The following DLC1 variants were observed in gnomAD, a reference collection of about 807,000 sequenced individuals.
The protein encoded by DLC1 is rho GTPase-activating protein 7.
DLC1 carries 54 observed loss-of-function variants against 140.3 expected under a neutral mutation model. That is an observed-to-expected ratio of 0.38 (90% CI 0.31 to 0.48). DLC1 has a LOEUF of 0.48. Ranked by LOEUF, DLC1 falls within the 20% of genes least tolerant of loss-of-function variation. The probability of loss-of-function intolerance (pLI) is 0.96; values close to 1 mark genes in which losing one functional copy is unlikely to be tolerated. For missense variants in DLC1, 2,536 were observed against 1,907.0 expected (o/e 1.33, Z -6.14); for synonymous variants, 986 against 728.1 (o/e 1.35, Z -5.70).
chr8:13,537,113 A>G (rs1023715676), intron 1 of DLC1, among the ~76,000 whole-genome samples: 9 of 141,410 alleles, frequency 6.4e-5, no homozygotes, highest in Admixed American at 1.4e-4. Flanking sequence ...GCAAAAAACC[A>G]TAACAGTACA....
intron 7 of DLC1, among the ~76,000 whole-genome samples, chr8:13,105,514 C>T (rs559779500): frequency 2.0e-5 from 3 of 152,026 alleles, no homozygotes; most frequent in East Asian, 1.9e-4. Context: ...AGGGAGGTCA[C>T]AGATCTTGTC....
At chr8:13,171,160 T>C (rs1825450651) in intron 5 of DLC1, among the ~76,000 whole-genome samples, 2 of 152,146 alleles carry the variant, frequency 1.3e-5, no homozygotes, top group South Asian at 4.1e-4. Flanking sequence ...TAGTTGCAAT[T>C]AGAGATTTGG....
At chr8:13,383,065 G>A (rs1324050534) in intron 4 of DLC1, among the ~76,000 whole-genome samples, 1 of 152,198 alleles carries the variant, frequency 6.6e-6, no homozygotes, top group Non-Finnish European at 1.5e-5. Context: ...GACCACCAAA[G>A]TATCACAGTC....
chr8:13,515,904 G>GA (rs1802571203), upstream of DLC1, among the ~76,000 whole-genome samples: 1 of 152,152 alleles, frequency 6.6e-6, no homozygotes, highest in African/African-American at 2.4e-5. Flanking sequence ...GTCGTTTCAG[G>GA]AAAAAAGTTA....
At chr8:13,379,043 G>A (rs908718225) in intron 4 of DLC1, among the ~76,000 whole-genome samples, 6 of 152,106 alleles carry the variant, frequency 3.9e-5, no homozygotes, top group African/African-American at 4.8e-5. Context: ...AATGTTTTCT[G>A]GTTTGATGAT....
intron 5 of DLC1, among the ~76,000 whole-genome samples, chr8:13,230,944 G>A (rs1829021285): frequency 6.6e-6 from 1 of 152,038 alleles, no homozygotes; most frequent in Admixed American, 6.6e-5. Context: ...GCTTTGAGAA[G>A]AAACATCACA....
chr8:13,257,723 A>C (rs888754404), intron 5 of DLC1, among the ~76,000 whole-genome samples: 4 of 15,850 alleles, frequency 2.5e-4, no homozygotes, highest in African/African-American at 2.0e-3. Flanking sequence ...GAAAAGAAGA[A>C]AAAAAAAAAA....
At chr8:13,324,007 C>A (rs1361839047) in intron 4 of DLC1, among the ~76,000 whole-genome samples, 1 of 152,158 alleles carries the variant, frequency 6.6e-6, no homozygotes, top group Non-Finnish European at 1.5e-5. Flanking sequence ...GAATTACAGC[C>A]TTCCAGGAGG....
chr8:13,447,425 T>G (rs532987442), intron 2 of DLC1, among the ~76,000 whole-genome samples: 1 of 152,202 alleles, frequency 6.6e-6, no homozygotes, highest in Non-Finnish European at 1.5e-5. Flanking sequence ...TATGTGGCTG[T>G]GGGGACTTGC....
intron 3 of DLC1, among the ~76,000 whole-genome samples, chr8:13,399,073 C>T (rs1837178773): frequency 6.6e-6 from 1 of 152,162 alleles, no homozygotes; most frequent in Admixed American, 6.5e-5. Context: ...AAAGGTGGTA[C>T]AGTGGTTCTG....
chr8:13,538,043 T>A (rs1163184201), intron 1 of DLC1, among the ~76,000 whole-genome samples: 1 of 152,176 alleles, frequency 6.6e-6, no homozygotes, highest in African/African-American at 2.4e-5. Context: ...TCACAAAGTC[T>A]CACTGAAGTA....
chr8:13,432,649 T>C (rs1226829740), intron 2 of DLC1, among the ~76,000 whole-genome samples: 2 of 152,240 alleles, frequency 1.3e-5, no homozygotes, highest in East Asian at 3.9e-4. Context: ...GTAGGGAACG[T>C]GTAAAGTGCC....
intron 4 of DLC1, among the ~76,000 whole-genome samples, chr8:13,344,940 C>G (rs1834257844): frequency 6.6e-6 from 1 of 152,066 alleles, no homozygotes; most frequent in Non-Finnish European, 1.5e-5. Flanking sequence ...ATTATTTAAT[C>G]AAATTGGATA....
chr8:13,539,163 G>T (rs1429328517), intron 1 of DLC1, among the ~76,000 whole-genome samples: 1 of 147,040 alleles, frequency 6.8e-6, no homozygotes. Context: ...TTTTTCAGTA[G>T]ATCTGCAAAT....
chr8:13,176,095 G>A (rs568253927), intron 5 of DLC1, among the ~76,000 whole-genome samples: 1 of 152,040 alleles, frequency 6.6e-6, no homozygotes, highest in Non-Finnish European at 1.5e-5. Flanking sequence ...TGCTTTTCTG[G>A]ATATAAACTT....
chr8:13,205,126 A>G lies in DLC1; in HGVS notation c.1349-89469T>C, dbSNP rs542913037. On this transcript the variant is annotated intron_variant, in intron 5 of 17. Transcript: ENST00000276297. ...AAAAAATGCCAAAAAACTACATTGCAAGTTTTCATTTTAGATAGGAAAACA... is the reference window on the plus strand; with the variant it reads ...AAAAAATGCCAAAAAACTACATTGCGAGTTTTCATTTTAGATAGGAAAACA... 2.0e-5 allele frequency among the ~76,000 whole-genome samples: 3 copies of G among 152,268 alleles called. No individual in the cohort carries two copies. The East Asian group carries it at 5.8e-4, about 29-fold the overall frequency.
chr8:13,410,963 G>A (rs1837756430), intron 2 of DLC1, among the ~76,000 whole-genome samples: 1 of 152,166 alleles, frequency 6.6e-6, no homozygotes. Flanking sequence ...ACCCTCATGG[G>A]TTTTATGGGT....
chr8:13,188,844 T>TATATATGTATATATA (rs1491498157), intron 5 of DLC1, among the ~76,000 whole-genome samples: 1 of 25,836 alleles, frequency 3.9e-5, no homozygotes, highest in Non-Finnish European at 8.2e-5. Flanking sequence ...TATATATATA[T>TATATATGTATATATA]TTTTTTTTTT....
At chr8:13,572,623 T>C (rs1804702845) in intron 1 of DLC1, among the ~76,000 whole-genome samples, 1 of 152,170 alleles carries the variant, frequency 6.6e-6, no homozygotes, top group African/African-American at 2.4e-5. Flanking sequence ...ACACATCTTA[T>C]AGTTATGTAT....
Sources: allele counts gnomAD v4.1 joint callset (sites outside exome capture counted in the v4.1 genomes callset), GRCh38; gene constraint gnomAD v4.1.1; transcripts MANE v1.5; gene names NCBI Gene and HGNC (gene_info 2026-07-23, HGNC 2026-07-21).